Variants in PEAK3 observed in about 807,000 individuals in gnomAD.
PEAK3 encodes the protein protein PEAK3.
PEAK3 carries 15 observed loss-of-function variants against 13.3 expected under a neutral mutation model. The observed-to-expected ratio is 1.13, with a 90% CI of 0.75 to 1.73. The LOEUF is 1.73. Among genes scored for constraint, PEAK3 ranks in the 40% most tolerant of loss-of-function variants. The pLI, the probability that PEAK3 is intolerant of heterozygous loss-of-function variation, is 0.00. For synonymous variants in PEAK3, 347 were observed against 341.9 expected, an observed-to-expected ratio of 1.01 and a Z score of -0.17; for missense variants, 739 against 690.2, an observed-to-expected ratio of 1.07 and a Z score of -0.79.
chr19:2,278,782 C>A lies in PEAK3; in HGVS notation c.414G>T (p.Leu138=). 1 of 1,573,566 alleles carries A rather than the reference C, an allele frequency of 6.4e-7. No homozygotes were observed. Among genetic ancestry groups the A allele is most frequent in the Admixed American group, 1.8e-5 (1 of 54,104 alleles). ...GGAGGCCCTGCAGCTGCCGCGCAGCCAGTGCAGTGTGCACAGCCTCCGGGC... is the reference window on the plus strand; with the variant it reads ...GGAGGCCCTGCAGCTGCCGCGCAGCAAGTGCAGTGTGCACAGCCTCCGGGC... ...LHSPEAVHTA[L]AARQLQGLRT... Residue 138 remains leucine, a synonymous_variant, in exon 3 of 4, where the codon CTG becomes CTT. Coordinates refer to ENST00000342063, the MANE Select transcript of PEAK3 (RefSeq NM_198532.3).
Position 2,276,020 on chromosome 19 carries a change from C to A in PEAK3, c.1082G>T (p.Ser361Ile). ...QLGSLLRALL[S>I]LAAPSTTPLA... ...AGGCGTGGTCGAGGGCGCAGCAAGG[C>A]TGAGCAGCGCTCGGAGGAGGCTGCC... The change falls in exon 4 of 4, where the codon AGC (serine) becomes ATC (isoleucine). Residue 361 changes from serine (S) to isoleucine (I), a missense_variant. By Grantham distance (142) the Ser-to-Ile change is moderately radical. Coordinates refer to ENST00000342063, the MANE Select transcript of PEAK3 (RefSeq NM_198532.3). The A allele has an allele frequency of 1.4e-6, 2 of 1,427,136 alleles. No individual in the cohort carries two copies. The highest frequency in any genetic ancestry group is 1.5e-5 in the African/African-American group (1 of 66,754). 88.4% of individuals were successfully genotyped at this position (1,427,136 alleles called of 1,614,324 possible).
chr19:2,278,682 G>A lies in PEAK3; in HGVS notation c.514C>T (p.Arg172Cys), dbSNP rs780116251. The A allele has an allele frequency of 2.6e-5, 39 of 1,525,312 alleles. No homozygotes were observed. The highest frequency in any genetic ancestry group is 1.8e-4 in the Middle Eastern group (1 of 5,696). The allele number at this position is 1,525,312 out of a possible 1,614,324, so 94.5% of individuals were successfully genotyped here. A position where few individuals can be genotyped will look rare whatever the true frequency, so the allele number is the denominator to read the frequency against. The change falls in exon 3 of 4, where the codon CGC becomes TGC. Residue 172 changes from arginine (R) to cysteine (C), a missense_variant. By Grantham distance (180) the Arg-to-Cys change is radical (BLOSUM62 -3). Coordinates refer to ENST00000342063, the MANE Select transcript of PEAK3 (RefSeq NM_198532.3). ...GCGCAGGGTGAGCTGTCTAGGAGGCGGAAGCTGTGGCCGGGGTGGCAGGGC... is the reference window on the plus strand; with the variant it reads ...GCGCAGGGTGAGCTGTCTAGGAGGCAGAAGCTGTGGCCGGGGTGGCAGGGC... ...PGPCHPGHSF[R>C]LLDSSPCAES...
chr19:2,280,777 A>ACCCC lies in PEAK3; in HGVS notation c.82+72_82+73insGGGG, dbSNP rs1568409252. 25 of 1,072,730 alleles carry ACCCC rather than the reference A, an allele frequency of 2.3e-5. No individual in the cohort carries two copies. The Admixed American group carries it at 2.9e-4, about 12-fold the overall frequency. The allele number at this position is 1,072,730 out of a possible 1,614,324, so 66.5% of individuals were successfully genotyped here. Reference sequence around the variant, plus strand: ...CAACCTCCTGCCGCTCCCTGCACCCACCTGCCGCTCCCTGCACCCCCCTGC... The same window carrying ACCCC: ...CAACCTCCTGCCGCTCCCTGCACCCACCCCCCTGCCGCTCCCTGCACCCCCCTGC... On this transcript the variant is annotated intron_variant, in intron 2 of 3. Transcript: ENST00000342063.
chr19:2,281,009 G>T, intron 1 of PEAK3, 74 bp from the exon 2 acceptor site: 1 of 976,556 alleles, frequency 1.0e-6, no homozygotes. Context: ...AGGGGTCCGT[G>T]AGTGCTGGGG....
Position 2,276,074 on chromosome 19 carries a change from C to G in PEAK3, c.1028G>C (p.Gly343Ala). ...CTGCGGCGCGTGGGGGCCCGGGGAT[C>G]CCGGGGGTCCAGGGGGCTGCAGACA... is the stretch of plus-strand genomic sequence containing the variant. ...RVCLQPPGPP[G>A]SPGPHAPQLG... Residue 343 changes from glycine (G) to alanine (A), a missense_variant, in exon 4 of 4, where the codon GGA (glycine) becomes GCA (alanine). Physicochemically the swap from Gly to Ala is moderately conservative, Grantham distance 60. Transcript: ENST00000342063. 1 of 1,466,266 alleles carries G rather than the reference C, an allele frequency of 6.8e-7. No individual in the cohort carries two copies. Among genetic ancestry groups the G allele is most frequent in the East Asian group, 2.6e-5 (1 of 38,172 alleles). 90.8% of individuals were successfully genotyped at this position (1,466,266 alleles called of 1,614,324 possible).
In PEAK3 at chr19:2,278,924, A is replaced by C. The variant is rs374993415; in HGVS notation, c.272T>G (p.Leu91Arg). ...GCTCTTGTCCACACTGTGGGACCCC[A>C]GAAAGGGTCTCCGAGGCGGCTGTAC... ...IQVQPPRRPFLGSHSVDKSQA... is the reference protein window; with the variant it reads ...IQVQPPRRPFRGSHSVDKSQA... Residue 91 changes from leucine to arginine, a missense_variant, in exon 3 of 4, where the codon CTG becomes CGG. Transcript: ENST00000342063. 51 of 1,605,262 alleles carry C rather than the reference A, an allele frequency of 3.2e-5. No homozygotes were observed. The highest frequency in any genetic ancestry group is 2.5e-4 in the East Asian group (11 of 44,580).
At position 2,278,716 on chromosome 19, in the gene PEAK3, G is replaced by A. The variant is rs921192351; in HGVS notation, c.480C>T (p.Gly160=). ...YARLRARLMG[G]HPGPCHPGHS... ...GGCCGGGGTGGCAGGGCCCGGGGTG[G>A]CCCCCCATGAGCCGGGCACGGAGCC... is the stretch of plus-strand genomic sequence containing the variant. Residue 160 remains glycine (G), a synonymous_variant, in exon 3 of 4, where the codon GGC becomes GGT. Coordinates refer to ENST00000342063, the MANE Select transcript of PEAK3 (RefSeq NM_198532.3). 4 of 1,530,518 alleles carry A rather than the reference G, an allele frequency of 2.6e-6. No homozygotes were observed. The highest frequency in any genetic ancestry group is 2.8e-5 in the African/African-American group (2 of 72,608). 94.8% of individuals were successfully genotyped at this position (1,530,518 alleles called of 1,614,324 possible).
chr19:2,279,205 T>A, intron 2 of PEAK3, 92 bp from the exon 3 acceptor site: 1 of 1,127,064 alleles, frequency 8.9e-7, no homozygotes, highest in Non-Finnish European at 1.2e-6. Flanking sequence ...TCCCCATCTC[T>A]AACATGGAAG....
Position 2,274,835 on chromosome 19 carries a change from G to A in PEAK3, c.*845C>T, listed in dbSNP as rs1457235772. On this transcript the variant is annotated 3_prime_UTR_variant, in exon 4 of 4. Coordinates refer to ENST00000342063, the MANE Select transcript of PEAK3 (RefSeq NM_198532.3). ...AAAATACAAAAAATTAGCCGGGCGT[G>A]GTGGCGGGCGCCTGTAGTCCCAGCT... is the stretch of plus-strand genomic sequence containing the variant. 1.3e-5 allele frequency: 2 copies of A among 149,950 alleles called. No homozygotes were observed. Among genetic ancestry groups the A allele is most frequent in the Non-Finnish European group, 3.0e-5 (2 of 67,694 alleles). 9.3% of individuals were successfully genotyped at this position (149,950 alleles called of 1,614,324 possible).
Position 2,276,189 on chromosome 19 carries a change from A to G in PEAK3, c.913T>C (p.Leu305=). The change falls in exon 4 of 4, where the codon TTG becomes CTG. Residue 305 remains leucine (L), a synonymous_variant. Transcript: ENST00000342063. ...ACCAGCAGCAAGTTCTCCGGCCGCA[A>G]CTCGACTAGGGCCGCGCCCCACGCC... ...LEAWGAALVE[L]RPENLLLVAP... 3 of 1,554,864 alleles carry G rather than the reference A, an allele frequency of 1.9e-6. No individual in the cohort carries two copies. The highest frequency in any genetic ancestry group is 2.6e-6 in the Non-Finnish European group (3 of 1,152,602).
In PEAK3 at chr19:2,276,268, C is replaced by G. The variant is rs1377404100; in HGVS notation, c.834G>C (p.Val278=). 4.4e-6 allele frequency: 7 copies of G among 1,593,114 alleles called. No individual in the cohort carries two copies. The highest frequency in any genetic ancestry group is 6.0e-6 in the Non-Finnish European group (7 of 1,176,028). The change falls in exon 4 of 4, where the codon GTG becomes GTC. Residue 278 remains valine, a synonymous_variant. Coordinates refer to ENST00000342063, the MANE Select transcript of PEAK3 (RefSeq NM_198532.3). ...GCAGCAGCAGCAGGGCCACAGCCCA[C>G]ACGAACTCCTCCGGCGGCTGCGTGC... ...EACTQPPEEF[V]WAVALLLLQL...
rs1007248991 is a variant in PEAK3, at chr19:2,275,903, C to T, written c.1199G>A (p.Trp400Ter). The stretch of plus-strand genomic sequence containing the variant: ...GCCGCGCAGCTCAGGCCCGGGCCCC[C>T]AGAGCAGCGCCTGCAGCGCGCCCCG... ...RTRGALQALL[W>*]GPGPELRGRG... Residue 400 changes from tryptophan to a stop codon, truncating the protein, a stop_gained, in exon 4 of 4, where the codon TGG (tryptophan) becomes TAG (stop). Coordinates refer to ENST00000342063, the MANE Select transcript of PEAK3 (RefSeq NM_198532.3). LOFTEE classifies it low-confidence loss of function (END_TRUNC). 2 of 1,386,446 alleles carry T rather than the reference C, an allele frequency of 1.4e-6. No individual in the cohort carries two copies. The highest frequency in any genetic ancestry group is 3.7e-5 in the Admixed American group (1 of 26,850). 85.9% of individuals were successfully genotyped at this position (1,386,446 alleles called of 1,614,324 possible). A position where few individuals can be genotyped will look rare whatever the true frequency, so the allele number is the denominator to read the frequency against.
At chr19:2,280,572 ACTC>A (rs1167032131) in intron 2 of PEAK3, among the ~76,000 whole-genome samples, 3 of 148,174 alleles carry the variant, frequency 2.0e-5, no homozygotes, top group Non-Finnish European at 3.0e-5. Context: ...CCGGTCTTGA[ACTC>A]CTGGCCTCAA....
chr19:2,275,898 G>A lies in PEAK3; in HGVS notation c.1204C>T (p.Pro402Ser). ...CCGCGGCCGCGCAGCTCAGGCCCGGGCCCCCAGAGCAGCGCCTGCAGCGCG... is the reference window on the plus strand; with the variant it reads ...CCGCGGCCGCGCAGCTCAGGCCCGGACCCCCAGAGCAGCGCCTGCAGCGCG... ...RGALQALLWG[P>S]GPELRGRGAP... Residue 402 changes from proline (P) to serine (S), a missense_variant, in exon 4 of 4, where the codon CCC (proline) becomes TCC (serine). Pro to Ser is a moderately conservative substitution (Grantham distance 74, BLOSUM62 -1). Transcript: ENST00000342063. The A allele has an allele frequency of 7.2e-7, 1 of 1,390,318 alleles. No individual in the cohort carries two copies. The highest frequency in any genetic ancestry group is 9.3e-7 in the Non-Finnish European group (1 of 1,080,104). 86.1% of individuals were successfully genotyped at this position (1,390,318 alleles called of 1,614,324 possible).
chr19:2,279,612 T>G (rs928060937), intron 2 of PEAK3, among the ~76,000 whole-genome samples: 1 of 151,584 alleles, frequency 6.6e-6, no homozygotes, highest in African/African-American at 2.4e-5. Flanking sequence ...ACCGAGATTG[T>G]GCCACTGCAC....
chr19:2,277,599 C>A (rs1004137581), intron 3 of PEAK3, among the ~76,000 whole-genome samples: 1 of 152,106 alleles, frequency 6.6e-6, no homozygotes, highest in African/African-American at 2.4e-5. Flanking sequence ...CACTCTGTCG[C>A]CCAGGCTGGA....
chr19:2,276,530 C>T, intron 3 of PEAK3, 41 bp from the exon 4 acceptor site: 4 of 1,414,780 alleles, frequency 2.8e-6, no homozygotes, highest in Non-Finnish European at 3.7e-6. Flanking sequence ...ATCACTGGGC[C>T]CCCCACAAGC....
In PEAK3 at chr19:2,276,153, C is replaced by T; in HGVS notation, c.949G>A (p.Gly317Ser). ...PENLLLVAPR[G>S]CATTGPPRLL... is the part of the protein sequence containing the mutation. ...CGTGGGGGCCCCGTCGTCGCACAGC[C>T]CCGAGGTGCCACCAGCAGCAAGTTC... The change falls in exon 4 of 4, where the codon GGC becomes AGC. Residue 317 changes from glycine (G) to serine (S), a missense_variant. Gly to Ser is a moderately conservative substitution (Grantham distance 56). Coordinates refer to ENST00000342063, the MANE Select transcript of PEAK3 (RefSeq NM_198532.3). 1 of 1,545,484 alleles carries T rather than the reference C, an allele frequency of 6.5e-7. No homozygotes were observed. The highest frequency in any genetic ancestry group is 8.7e-7 in the Non-Finnish European group (1 of 1,146,608).
At chr19:2,276,568 G>T in intron 3 of PEAK3, 79 bp from the exon 4 acceptor site, 1 of 1,286,380 alleles carries the variant, frequency 7.8e-7, no homozygotes, top group Non-Finnish European at 1.0e-6. Flanking sequence ...TACCTGCCCC[G>T]AAGCCTCCCA....
Sources: gnomAD v4.1 joint callset for allele counts (sites outside exome capture counted in the v4.1 genomes callset) on GRCh38, gnomAD v4.1.1 for gene constraint, MANE v1.5 for transcripts, NCBI Gene and HGNC (gene_info 2026-07-23, HGNC 2026-07-21) for gene names.